CTPS2: variants seen among roughly 807,000 people sequenced by gnomAD.
CTPS2 encodes CTP synthase 2.
CTPS2 carries 19 observed loss-of-function variants against 46.8 expected under a neutral mutation model. That is an observed-to-expected ratio of 0.41 (90% CI 0.28 to 0.60). CTPS2 has a LOEUF of 0.60. Among genes scored for constraint, CTPS2 ranks in the 20% least tolerant of loss-of-function variants. The pLI is 0.35. For missense variants in CTPS2, 286 were observed against 447.6 expected, an observed-to-expected ratio of 0.64 and a Z score of 3.26; for synonymous variants, 151 against 165.2, an observed-to-expected ratio of 0.91 and a Z score of 0.66.
intron 18 of CTPS2, 141 bp downstream of exon 18, chrX:16,590,611 G>A: frequency 2.6e-6 from 1 of 383,944 alleles, no homozygotes; most frequent in Non-Finnish European, 4.5e-6. Context: ...TGTCATGCGT[G>A]TCCTGCTAAC....
intron 2 of CTPS2, among the ~76,000 whole-genome samples, chrX:16,700,157 G>A (rs189042289): frequency 9.9e-6 from 1 of 100,753 alleles, no homozygotes; most frequent in Non-Finnish European, 2.0e-5. Context: ...TCACTCTATC[G>A]CCAGGCTGGA....
chrX:16,691,704 C>A (rs1246318060), intron 6 of CTPS2, 84 bp from the exon 7 acceptor site: 24 of 768,363 alleles, frequency 3.1e-5, no homozygotes, highest in Middle Eastern at 3.3e-4. Context: ...GAAACTTGGC[C>A]AAGTATGTAC....
At position 16,687,638 on chromosome X, in the gene CTPS2, G is replaced by A. The variant is rs777099246; in HGVS notation, c.872+1812C>T. Among the ~76,000 whole-genome samples the A allele has an allele frequency of 5.4e-5, 6 of 111,178 alleles. No homozygotes were observed. The East Asian group carries it at 1.4e-3, about 26-fold the overall frequency. On this transcript the variant is annotated intron_variant, in intron 8 of 18. Coordinates refer to ENST00000359276, the MANE Select transcript of CTPS2 (RefSeq NM_175859.3). ...CTTAGAAAATTCCTGTGAAATGACT[G>A]GCACTTTAAGCACTCTAGAGAGCAA...
chrX:16,702,996 G>C, intron 1 of CTPS2, 55 bp from the exon 2 acceptor site: 10 of 678,968 alleles, frequency 1.5e-5, no homozygotes, highest in African/African-American at 4.5e-5. Flanking sequence ...AACTAGTAAA[G>C]CAGACAGTGT....
chrX:16,609,886 T>C (rs1200586115), intron 16 of CTPS2, among the ~76,000 whole-genome samples: 1 of 112,401 alleles, frequency 8.9e-6, no homozygotes, highest in Non-Finnish European at 1.9e-5. Flanking sequence ...AAATTTTATG[T>C]GCGGAAGGTG....
chrX:16,624,320 A>G (rs1161296053), intron 14 of CTPS2, among the ~76,000 whole-genome samples: 1 of 112,216 alleles, frequency 8.9e-6, no homozygotes, highest in Admixed American at 9.5e-5. Context: ...AAAAATTAAA[A>G]TTTCCTTAAA....
At chrX:16,635,771 T>C (rs16997157) in intron 14 of CTPS2, among the ~76,000 whole-genome samples, 1,872 of 112,543 alleles carry the variant, frequency 0.017, 42 homozygotes, top group African/African-American at 0.058. Context: ...CATTCTTATC[T>C]CTGGCACAGC....
chrX:16,634,059 G>A (rs921169645), intron 14 of CTPS2, among the ~76,000 whole-genome samples: 2 of 111,628 alleles, frequency 1.8e-5, no homozygotes, highest in Non-Finnish European at 3.8e-5. Context: ...TCCTTAACGC[G>A]ATTAAATACT....
chrX:16,628,867 G>A (rs1286641252), intron 14 of CTPS2, among the ~76,000 whole-genome samples: 1 of 111,776 alleles, frequency 8.9e-6, no homozygotes, highest in Non-Finnish European at 1.9e-5. Context: ...GTCACTAACC[G>A]ACGTTTGCCC....
At chrX:16,697,387 G>A (rs1480375628) in intron 4 of CTPS2, among the ~76,000 whole-genome samples, 1 of 107,615 alleles carries the variant, frequency 9.3e-6, no homozygotes, top group African/African-American at 3.4e-5. Context: ...TGGAGAGGAA[G>A]GGAACAAGGT....
intron 15 of CTPS2, among the ~76,000 whole-genome samples, 183 bp downstream of exon 15, chrX:16,620,094 C>T (rs1297494340): frequency 2.7e-5 from 3 of 110,211 alleles, no homozygotes; most frequent in Non-Finnish European, 5.7e-5. Flanking sequence ...GCCCCCCACT[C>T]CCCACCCCTG....
intron 8 of CTPS2, among the ~76,000 whole-genome samples, chrX:16,685,379 T>C (rs1470332212): frequency 9.0e-6 from 1 of 111,192 alleles, no homozygotes; most frequent in Non-Finnish European, 1.9e-5. Flanking sequence ...GGGTCACACC[T>C]ACCAGGGAGC....
intron 8 of CTPS2, among the ~76,000 whole-genome samples, chrX:16,688,743 G>A (rs921067375): frequency 4.0e-5 from 4 of 100,879 alleles, no homozygotes; most frequent in African/African-American, 1.2e-4. Flanking sequence ...TTTAGGAAAA[G>A]TTAGCCAAAT....
intron 14 of CTPS2, among the ~76,000 whole-genome samples, chrX:16,633,069 TTTTTC>T (rs1366812163): frequency 3.2e-5 from 3 of 94,033 alleles, no homozygotes; most frequent in East Asian, 6.4e-4. Flanking sequence ...GTTCTTTTTC[TTTTTC>T]TTTTCTTTTG....
chrX:16,624,844 T>G (rs1470657011), intron 14 of CTPS2, among the ~76,000 whole-genome samples: 2 of 111,989 alleles, frequency 1.8e-5, no homozygotes, highest in African/African-American at 6.5e-5. Flanking sequence ...AACAAAAGTC[T>G]TAGGACCTAT....
At chrX:16,637,748 T>G (rs971812514) in intron 14 of CTPS2, among the ~76,000 whole-genome samples, 2 of 112,178 alleles carry the variant, frequency 1.8e-5, no homozygotes, top group African/African-American at 6.5e-5. Flanking sequence ...AAAAAAGTTC[T>G]TATATAGTAT....
At chrX:16,631,921 T>C (rs185916063) in intron 14 of CTPS2, among the ~76,000 whole-genome samples, 1 of 111,719 alleles carries the variant, frequency 9.0e-6, no homozygotes, top group East Asian at 2.8e-4. Context: ...ATTAACTTAG[T>C]TCCTCAGTGT....
intron 17 of CTPS2, among the ~76,000 whole-genome samples, chrX:16,603,651 G>A (rs1929810243): frequency 1.8e-5 from 2 of 109,812 alleles, no homozygotes; most frequent in African/African-American, 6.6e-5. Context: ...TACAGGTATA[G>A]GCTCATAGGA....
rs140056931 is a variant in CTPS2, at chrX:16,642,130, C to T, written c.1297-2887G>A. The stretch of plus-strand genomic sequence containing the variant: ...TACTAATGAAAATACAAGTTTAAGT[C>T]ATCAAGAGTAAAATGTAGTATTTAG... On this transcript the variant is annotated intron_variant, in intron 13 of 18. Coordinates refer to ENST00000359276, the MANE Select transcript of CTPS2 (RefSeq NM_175859.3). 3.4e-3 allele frequency among the ~76,000 whole-genome samples: 384 copies of T among 112,090 alleles called. 2 individuals are homozygous for T. Among genetic ancestry groups the T allele is most frequent in the African/African-American group, 0.011 (349 of 30,883 alleles).
Sources: gnomAD v4.1 joint callset for allele counts (sites outside exome capture counted in the v4.1 genomes callset) on GRCh38, gnomAD v4.1.1 for gene constraint, MANE v1.5 for transcripts, NCBI Gene and HGNC (gene_info 2026-07-23, HGNC 2026-07-21) for gene names.